IARS2: variants seen among roughly 807,000 people sequenced by gnomAD.
The protein encoded by IARS2 is isoleucyl-tRNA synthetase 2, mitochondrial.
In IARS2, 56 loss-of-function variants were observed where a neutral mutation model predicts 126.3. The ratio of observed to expected loss-of-function variants is 0.44; its 90% CI spans 0.36 to 0.55. The LOEUF is 0.55. Ranked by LOEUF, IARS2 falls within the 20% of genes least tolerant of loss-of-function variation. The pLI is 0.00. For missense variants in IARS2, 1,127 were observed against 1,245.9 expected (o/e 0.90, Z 1.44); for synonymous variants, 407 against 441.1 (o/e 0.92, Z 0.97).
Position 220,137,960 on chromosome 1 carries a change from T to C in IARS2, c.2092T>C (p.Trp698Arg). ...EPPYGADVLR[W>R]WVADSNVFTE... ...TCCGTATGGTGCTGATGTCCTTCGC[T>C]GGTGGGTAGCTGATTCCAATGTCTT... The change falls in exon 17 of 23, where the codon TGG becomes CGG. Residue 698 changes from tryptophan (W) to arginine (R), a missense_variant. Coordinates refer to ENST00000366922, the MANE Select transcript of IARS2 (RefSeq NM_018060.4). 1 of 1,614,158 alleles carries C rather than the reference T, an allele frequency of 6.2e-7. No homozygotes were observed. Among genetic ancestry groups the C allele is most frequent in the Non-Finnish European group, 8.5e-7 (1 of 1,180,018 alleles).
intron 8 of IARS2, 133 bp from the exon 9 acceptor site, chr1:220,105,758 G>T: frequency 1.5e-6 from 1 of 687,302 alleles, no homozygotes. Context: ...CAAGTTAAAG[G>T]GGAAGCTGGA....
intron 10 of IARS2, among the ~76,000 whole-genome samples, chr1:220,109,092 T>G (rs1656747154): frequency 6.6e-6 from 1 of 151,788 alleles, no homozygotes; most frequent in Admixed American, 6.6e-5. Context: ...GGAAAGAAAC[T>G]TTAAAAGATC....
At chr1:220,112,400 C>T (rs923637165) in intron 11 of IARS2, among the ~76,000 whole-genome samples, 3 of 149,194 alleles carry the variant, frequency 2.0e-5, no homozygotes, top group Non-Finnish European at 4.4e-5. Flanking sequence ...TCCCAAAGTG[C>T]TGGGATTACA....
At chr1:220,118,403 T>C (rs1465694098) in intron 12 of IARS2, among the ~76,000 whole-genome samples, 1 of 150,578 alleles carries the variant, frequency 6.6e-6, no homozygotes, top group Non-Finnish European at 1.5e-5. Flanking sequence ...GAATTAATAG[T>C]GTCATTTGCA....
intron 12 of IARS2, 131 bp downstream of exon 12, chr1:220,114,605 G>T: frequency 1.6e-6 from 1 of 629,620 alleles, no homozygotes; most frequent in East Asian, 3.0e-5. Context: ...GTCTTTTGGG[G>T]GACTAAAATA....
intron 3 of IARS2, 88 bp downstream of exon 3, chr1:220,100,737 G>A: frequency 1.9e-6 from 2 of 1,050,478 alleles, no homozygotes; most frequent in Non-Finnish European, 2.7e-6. Context: ...GGAACCTTTT[G>A]TTTGGGTTTC....
chr1:220,112,986 C>A (rs1656841338), intron 11 of IARS2, among the ~76,000 whole-genome samples: 1 of 152,148 alleles, frequency 6.6e-6, no homozygotes, highest in Non-Finnish European at 1.5e-5. Flanking sequence ...CCTAAGCCTT[C>A]TGATTAGCTG....
In IARS2 at chr1:220,097,456, C is replaced by A. The variant is rs1488106215; in HGVS notation, c.390+1230C>A. Among the ~76,000 whole-genome samples the A allele has an allele frequency of 3.3e-5, 5 of 151,370 alleles. 1 individual carries two copies. The highest frequency in any genetic ancestry group is 1.2e-4 in the African/African-American group (5 of 40,966). ...TTGGCTCACTGCAATCTCCGCTTCC[C>A]GGGTTCAAGCGATTCTCCTGCCTCA... is the stretch of plus-strand genomic sequence containing the variant. On this transcript the variant is annotated intron_variant, in intron 2 of 22. Coordinates refer to ENST00000366922, the MANE Select transcript of IARS2 (RefSeq NM_018060.4).
At chr1:220,134,560 AGCACTAT>A in intron 15 of IARS2, 50 bp downstream of exon 15, 1 of 1,170,594 alleles carries the variant, frequency 8.5e-7, no homozygotes, top group Non-Finnish European at 1.3e-6. Context: ...CAGTGTGTGA[AGCACTAT>A]GCTGAGTACT....
At position 220,096,125 on chromosome 1, in the gene IARS2, T is replaced by C. The variant is rs779673903; in HGVS notation, c.289T>C (p.Tyr97His). The change falls in exon 2 of 23, where the codon TAT (tyrosine) becomes CAT (histidine). Residue 97 changes from tyrosine (Y) to histidine (H), a missense_variant. Coordinates refer to ENST00000366922, the MANE Select transcript of IARS2 (RefSeq NM_018060.4). Reference protein sequence around the residue: ...IQQKCGFSELYSWQRERKVKT... With the variant: ...IQQKCGFSELHSWQRERKVKT... ...ACAGAAATGTGGATTTTCAGAACTT[T>C]ATTCATGGCAAAGAGAAAGAAAAGT... is the stretch of plus-strand genomic sequence containing the variant. 33 of 1,496,866 alleles carry C rather than the reference T, an allele frequency of 2.2e-5. No homozygotes were observed. The highest frequency in any genetic ancestry group is 2.2e-5 in the Non-Finnish European group (24 of 1,083,214). The allele number at this position is 1,496,866 out of a possible 1,614,324, so 92.7% of individuals were successfully genotyped here. A position where few individuals can be genotyped will look rare whatever the true frequency, so the allele number is the denominator to read the frequency against.
Position 220,134,450 on chromosome 1 carries a change from G to C in IARS2, c.1886G>C (p.Gly629Ala), listed in dbSNP as rs1253827792. Residue 629 changes from glycine to alanine, a missense_variant, in exon 15 of 23, where the codon GGG becomes GCG. Transcript: ENST00000366922. ...DLYLEGKDQL[G>A]GWFQSSLLTS... ...TACTTGGAAGGAAAAGACCAGCTCG[G>C]GGGTTGGTTTCAGTCATCCTTATTA... 12 of 1,613,376 alleles carry C rather than the reference G, an allele frequency of 7.4e-6. No individual in the cohort carries two copies. The highest frequency in any genetic ancestry group is 1.0e-5 in the Non-Finnish European group (12 of 1,179,732).
chr1:220,111,071 A>G, intron 11 of IARS2, 134 bp downstream of exon 11: 1 of 813,140 alleles, frequency 1.2e-6, no homozygotes, highest in South Asian at 2.1e-5. Context: ...ATAACATTGT[A>G]GAATTTTAGA....
At chr1:220,145,994 C>T (rs1657579037) in intron 22 of IARS2, among the ~76,000 whole-genome samples, 1 of 152,168 alleles carries the variant, frequency 6.6e-6, no homozygotes. Context: ...TACCCCAGTA[C>T]TGGCCCAGTC....
chr1:220,116,948 G>A (rs781003544), intron 12 of IARS2, among the ~76,000 whole-genome samples: 2 of 151,812 alleles, frequency 1.3e-5, no homozygotes, highest in South Asian at 2.1e-4. Flanking sequence ...CTCTTGCCAC[G>A]TTGACGAGGC....
chr1:220,106,812 T>C (rs1656690594), intron 9 of IARS2, among the ~76,000 whole-genome samples: 1 of 152,006 alleles, frequency 6.6e-6, no homozygotes, highest in Non-Finnish European at 1.5e-5. Flanking sequence ...TTTGTATTTT[T>C]AGTGGAAGTG....
intron 16 of IARS2, chr1:220,137,535 T>C (rs1157568328): frequency 6.2e-6 from 1 of 161,740 alleles, no homozygotes; most frequent in African/African-American, 2.4e-5. Context: ...AACCGTTCAT[T>C]GTTTTGTGTA....
At chr1:220,142,687 A>G (rs540857047) in intron 20 of IARS2, among the ~76,000 whole-genome samples, 5 of 152,136 alleles carry the variant, frequency 3.3e-5, no homozygotes, top group South Asian at 2.1e-4. Context: ...GGATATTTCT[A>G]TTTATTTTTT....
chr1:220,103,643 T>G, intron 8 of IARS2, 81 bp downstream of exon 8: 1 of 839,120 alleles, frequency 1.2e-6, no homozygotes, highest in Admixed American at 1.9e-5. Context: ...GAACTGCATA[T>G]TTTGAATTGA....
At chr1:220,147,117 T>C (rs561528288) in intron 22 of IARS2, among the ~76,000 whole-genome samples, 184 of 152,350 alleles carry the variant, frequency 1.2e-3, no homozygotes, top group Non-Finnish European at 2.0e-3. Flanking sequence ...GACACTGTAG[T>C]TGTCACTATA....
Sources: allele counts gnomAD v4.1 joint callset (sites outside exome capture counted in the v4.1 genomes callset), GRCh38; gene constraint gnomAD v4.1.1; transcripts MANE v1.5; gene names NCBI Gene and HGNC (gene_info 2026-07-23, HGNC 2026-07-21).